Variants in ANK3 observed in about 807,000 individuals in gnomAD.
The protein encoded by ANK3 is ankyrin 3.
Under a neutral mutation model 370.9 loss-of-function variants are expected in ANK3, and 57 were observed. That is an observed-to-expected ratio of 0.15 (90% confidence interval 0.12 to 0.19). The LOEUF (loss-of-function observed/expected upper bound fraction) is 0.19, where lower values mean the gene tolerates loss of function less well. Among genes scored for constraint, ANK3 ranks in the 10% least tolerant of loss-of-function variants. The pLI, the probability that ANK3 is intolerant of heterozygous loss-of-function variation, is 1.00. For synonymous variants in ANK3, 1,929 were observed against 1,946.3 expected (o/e 0.99, Z 0.23); for missense variants, 4,439 against 5,302.1 (o/e 0.84, Z 5.06).
At chr10:60,226,573 T>TA (rs1491139456) in intron 8 of ANK3, among the ~76,000 whole-genome samples, 1 of 20,916 alleles carries the variant, frequency 4.8e-5, no homozygotes, top group Non-Finnish European at 9.0e-5. Context: ...ACATAGTATA[T>TA]GTATATATAC....
intron 2 of ANK3, among the ~76,000 whole-genome samples, chr10:60,422,948 T>C (rs889976383): frequency 2.0e-5 from 3 of 152,032 alleles, no homozygotes; most frequent in African/African-American, 7.2e-5. Context: ...CATTTCACAA[T>C]GAGGCACTAT....
intron 1 of ANK3, among the ~76,000 whole-genome samples, chr10:60,637,600 G>A (rs1250801129): frequency 6.6e-6 from 1 of 152,098 alleles, no homozygotes; most frequent in Non-Finnish European, 1.5e-5. Context: ...TTTTAACATG[G>A]CCTTCTCTGA....
intron 2 of ANK3, among the ~76,000 whole-genome samples, chr10:60,570,086 G>C (rs1278409837): frequency 6.6e-6 from 1 of 152,084 alleles, no homozygotes; most frequent in East Asian, 1.9e-4. Context: ...GGGAGAAAAG[G>C]CCTACTCCTT....
intron 1 of ANK3, among the ~76,000 whole-genome samples, chr10:60,290,401 C>CTT (rs71015780): frequency 1.3e-4 from 19 of 151,048 alleles, no homozygotes; most frequent in South Asian, 6.3e-4. Context: ...AGCTTTTATT[C>CTT]TTTTTTTTTA....
intron 2 of ANK3, among the ~76,000 whole-genome samples, chr10:60,400,309 CTATGAAT>C (rs2063328609): frequency 6.6e-6 from 1 of 152,080 alleles, no homozygotes; most frequent in African/African-American, 2.4e-5. Flanking sequence ...ATTTCAGATC[CTATGAAT>C]AGGAGTTATG....
At chr10:60,664,481 C>A (rs2078972635) in intron 1 of ANK3, among the ~76,000 whole-genome samples, 1 of 152,132 alleles carries the variant, frequency 6.6e-6, no homozygotes, top group African/African-American at 2.4e-5. Flanking sequence ...AATCGGTCAC[C>A]TTGATACACC....
chr10:60,274,320 T>G (rs1169329749), intron 4 of ANK3, among the ~76,000 whole-genome samples: 1 of 152,124 alleles, frequency 6.6e-6, no homozygotes, highest in Non-Finnish European at 1.5e-5. Context: ...TTTTGGTGAG[T>G]GTTTCATGGT....
At position 60,264,842 on chromosome 10, in the gene ANK3, G is replaced by A. The variant is rs112017081; in HGVS notation, c.514-822C>T. 7.0e-3 allele frequency among the ~76,000 whole-genome samples: 1,065 copies of A among 152,186 alleles called. 14 individuals are homozygous for A. Among genetic ancestry groups the A allele is most frequent in the African/African-American group, 0.021 (869 of 41,516 alleles). On this transcript the variant is annotated intron_variant, in intron 5 of 43. Transcript: ENST00000280772. ...TGAACTGTACTCATTGTTGCTTTAT[G>A]AAAGATCTATAGAGGCTAAGGTCTC... is the stretch of plus-strand genomic sequence containing the variant.
At chr10:60,083,757 T>C (rs2085900735) in intron 32 of ANK3, 140 bp from the exon 33 acceptor site, 2 of 681,036 alleles carry the variant, frequency 2.9e-6, no homozygotes, top group South Asian at 2.2e-5. Flanking sequence ...GTGGTGCTAT[T>C]TGCAACAAAA....
intron 25 of ANK3, among the ~76,000 whole-genome samples, chr10:60,130,538 T>G (rs1203889556): frequency 2.0e-5 from 3 of 152,220 alleles, no homozygotes; most frequent in Non-Finnish European, 2.9e-5. Context: ...TTCTAAATAC[T>G]GAAAACTTCT....
chr10:60,519,385 T>C (rs1187564570), intron 2 of ANK3, among the ~76,000 whole-genome samples: 2 of 152,146 alleles, frequency 1.3e-5, no homozygotes, highest in African/African-American at 2.4e-5. Context: ...CAGGAGCTTA[T>C]AGCCCAATGC....
At chr10:60,054,850 A>T (rs1479553761) in intron 42 of ANK3, among the ~76,000 whole-genome samples, 1 of 152,226 alleles carries the variant, frequency 6.6e-6, no homozygotes, top group Non-Finnish European at 1.5e-5. Context: ...AAATTGGGAG[A>T]GTAAAAAGCA....
chr10:60,493,364 G>A (rs2075573559), intron 2 of ANK3, among the ~76,000 whole-genome samples: 1 of 152,022 alleles, frequency 6.6e-6, no homozygotes, highest in African/African-American at 2.4e-5. Flanking sequence ...AGAAAACCAT[G>A]CTTAAGATAG....
At chr10:60,488,924 C>T (rs1215918704) in intron 2 of ANK3, among the ~76,000 whole-genome samples, 2 of 152,214 alleles carry the variant, frequency 1.3e-5, no homozygotes, top group Middle Eastern at 3.4e-3. Flanking sequence ...TTTGACATTA[C>T]CAAACATAGC....
intron 2 of ANK3, among the ~76,000 whole-genome samples, chr10:60,562,414 G>T (rs1255631446): frequency 6.6e-6 from 1 of 151,788 alleles, no homozygotes; most frequent in Non-Finnish European, 1.5e-5. Context: ...GTTTCGGGGG[G>T]GGCATCCGTG....
chr10:60,239,388 C>A (rs1053274774), intron 7 of ANK3, among the ~76,000 whole-genome samples: 1 of 151,398 alleles, frequency 6.6e-6, no homozygotes, highest in Non-Finnish European at 1.5e-5. Context: ...TCGATGGTAG[C>A]CCAAGGAAAA....
At chr10:60,723,189 G>A (rs2079889398) in intron 1 of ANK3, among the ~76,000 whole-genome samples, 1 of 152,202 alleles carries the variant, frequency 6.6e-6, no homozygotes, top group Non-Finnish European at 1.5e-5. Flanking sequence ...TTCCCAGGCT[G>A]CAGATAAGGA....
chr10:60,261,752 T>C (rs532539539), intron 7 of ANK3, 107 bp downstream of exon 7: 1 of 879,662 alleles, frequency 1.1e-6, no homozygotes, highest in Non-Finnish European at 1.8e-6. Context: ...CTTCACTGAC[T>C]GGAAGGACTC....
intron 1 of ANK3, among the ~76,000 whole-genome samples, chr10:60,313,249 G>C (rs2046722422): frequency 6.6e-6 from 1 of 152,218 alleles, no homozygotes; most frequent in Non-Finnish European, 1.5e-5. Context: ...CCTCAAGAGA[G>C]TTTGGAGATT....
Sources: gnomAD v4.1 joint callset for allele counts (sites outside exome capture counted in the v4.1 genomes callset) on GRCh38, gnomAD v4.1.1 for gene constraint, MANE v1.5 for transcripts, NCBI Gene and HGNC (gene_info 2026-07-23, HGNC 2026-07-21) for gene names.